The following CMC2 variants were observed in gnomAD, a reference collection of about 807,000 sequenced individuals.
CMC2 encodes COX assembly mitochondrial protein 2 homolog.
Under a neutral mutation model 7.5 loss-of-function variants are expected in CMC2, and 5 were observed. The ratio of observed to expected loss-of-function variants is 0.66; its 90% CI spans 0.35 to 1.40. The LOEUF is 1.40. Among genes scored for constraint, CMC2 ranks in the 40% most tolerant of loss-of-function variants. The pLI is 0.04. For missense variants in CMC2, 115 were observed against 92.3 expected (o/e 1.25, Z -1.01); for synonymous variants, 37 against 31.4 (o/e 1.18, Z -0.60).
chr16:80,997,442 G>A lies in CMC2; in HGVS notation c.-35-13C>T, dbSNP rs777395464. The A allele has an allele frequency of 2.2e-6, 3 of 1,383,786 alleles. No homozygotes were observed. The African/African-American group carries it at 4.3e-5, about 20-fold the overall frequency. The allele number at this position is 1,383,786 out of a possible 1,614,324, so 85.7% of individuals were successfully genotyped here. On this transcript the variant is annotated splice_polypyrimidine_tract_variant and intron_variant, in intron 1 of 3. Coordinates refer to ENST00000219400, the MANE Select transcript of CMC2 (RefSeq NM_020188.5). ...ACAGCAGTGCAACCTGTGGATACAA[G>A]AGTGTCTTGAATATGCATAAACACA...
chr16:80,985,487 T>C (rs1395064965), intron 2 of CMC2, among the ~76,000 whole-genome samples: 1 of 152,216 alleles, frequency 6.6e-6, no homozygotes, highest in Non-Finnish European at 1.5e-5. Context: ...TAACATGTCA[T>C]CTTAACATGT....
chr16:80,985,399 T>A (rs1462937287), intron 2 of CMC2, among the ~76,000 whole-genome samples: 3 of 152,184 alleles, frequency 2.0e-5, no homozygotes, highest in Non-Finnish European at 2.9e-5. Context: ...TTCAGACATT[T>A]AAAAAATGAA....
Position 80,997,432 on chromosome 16 carries a change from G to C in CMC2, c.-35-3C>G. 3 of 1,485,624 alleles carry C rather than the reference G, an allele frequency of 2.0e-6. No homozygotes were observed. Among genetic ancestry groups the C allele is most frequent in the Non-Finnish European group, 2.8e-6 (3 of 1,063,770 alleles). The allele number at this position is 1,485,624 out of a possible 1,614,324, so 92.0% of individuals were successfully genotyped here. On this transcript the variant is annotated splice_polypyrimidine_tract_variant and splice_region_variant and intron_variant, in intron 1 of 3. Coordinates refer to ENST00000219400, the MANE Select transcript of CMC2 (RefSeq NM_020188.5). ...AGGATGGATCACAGCAGTGCAACCTGTGGATACAAGAGTGTCTTGAATATG... is the reference window on the plus strand; with the variant it reads ...AGGATGGATCACAGCAGTGCAACCTCTGGATACAAGAGTGTCTTGAATATG...
chr16:81,004,424 G>A (rs1969091447), intron 1 of CMC2, among the ~76,000 whole-genome samples: 1 of 152,188 alleles, frequency 6.6e-6, no homozygotes, highest in East Asian at 1.9e-4. Flanking sequence ...ACTGCCTGGG[G>A]AGGAAGGCTT....
intron 3 of CMC2, among the ~76,000 whole-genome samples, chr16:80,977,682 C>CT (rs1912581879): frequency 6.6e-6 from 1 of 152,206 alleles, no homozygotes; most frequent in African/African-American, 2.4e-5. Flanking sequence ...GCTAGATAAT[C>CT]TTTAAGAAGT....
intron 2 of CMC2, 57 bp downstream of exon 2, chr16:80,997,257 C>T: frequency 1.1e-6 from 1 of 930,006 alleles, no homozygotes; most frequent in Admixed American, 1.7e-5. Context: ...CATTTTACAT[C>T]AGTGGGTTAT....
rs1186440961 is a variant in CMC2, at chr16:80,973,443, A to G, written c.*2650T>C. 2 of 152,200 alleles carry G rather than the reference A, an allele frequency of 1.3e-5. No homozygotes were observed. Among genetic ancestry groups the G allele is most frequent in the African/African-American group, 4.8e-5 (2 of 41,438 alleles). The allele number at this position is 152,200 out of a possible 1,614,324, so 9.4% of individuals were successfully genotyped here. A position where few individuals can be genotyped will look rare whatever the true frequency, so the allele number is the denominator to read the frequency against. On this transcript the variant is annotated 3_prime_UTR_variant, in exon 4 of 4. Transcript: ENST00000219400. ...TTGTGCCAGATAATCTATCACATAC[A>G]TCTCAACCAATCCTCACAATAACTC... is the stretch of plus-strand genomic sequence containing the variant.
Position 80,976,119 on chromosome 16 carries a change from TAA to T in CMC2, c.212_213del (p.Phe71Ter), listed in dbSNP as rs761870147. 24 of 1,608,612 alleles carry T rather than the reference TAA, an allele frequency of 1.5e-5. No individual in the cohort carries two copies. The East Asian group carries it at 5.4e-4, about 36-fold the overall frequency. On this transcript the variant is annotated frameshift_variant, in exon 4 of 4. Coordinates refer to ENST00000219400, the MANE Select transcript of CMC2 (RefSeq NM_020188.5). LOFTEE classifies it high-confidence loss of function. ...EHGIAMRKKL[F>X]NPPEESEK ...TATTTTTCGGATTCCTCTGGAGGAT[TAA>T]AAAGTTTCTTTCGCATTGCAATGCC... is the stretch of plus-strand genomic sequence containing the variant.
At chr16:80,990,309 T>A (rs1040303551) in intron 2 of CMC2, among the ~76,000 whole-genome samples, 1 of 152,140 alleles carries the variant, frequency 6.6e-6, no homozygotes, top group African/African-American at 2.4e-5. Flanking sequence ...TAGCTGGGAT[T>A]ACAGGGGTCC....
At chr16:80,981,458 C>G (rs972621098) in intron 3 of CMC2, among the ~76,000 whole-genome samples, 4 of 152,124 alleles carry the variant, frequency 2.6e-5, no homozygotes, top group African/African-American at 7.2e-5. Context: ...AATTGAGGCC[C>G]TGAGAGTTTT....
At chr16:80,984,171 G>A (rs904523887) in intron 2 of CMC2, 5 of 152,132 alleles carry the variant, frequency 3.3e-5, no homozygotes, top group African/African-American at 1.2e-4. Context: ...CTCTAAAGCA[G>A]GTTAAGCTGA....
At chr16:80,996,947 C>G in intron 2 of CMC2, 1 of 428,168 alleles carries the variant, frequency 2.3e-6, no homozygotes. Flanking sequence ...TGGTAGCCAT[C>G]AAAGAGCAGA....
chr16:80,966,684 T>A lies in CMC2; in HGVS notation c.*9409A>T, dbSNP rs527858994. The A allele has an allele frequency of 6.6e-6, 1 of 152,364 alleles. No individual in the cohort carries two copies. Among genetic ancestry groups the A allele is most frequent in the South Asian group, 2.1e-4 (1 of 4,830 alleles). 9.4% of individuals were successfully genotyped at this position (152,364 alleles called of 1,614,324 possible). On this transcript the variant is annotated 3_prime_UTR_variant, in exon 4 of 4. Coordinates refer to ENST00000219400, the MANE Select transcript of CMC2 (RefSeq NM_020188.5). ...CTTCTGGAGATGTAAAGTCAAAATA[T>A]TGTATTTGAACAACACTTATAATCA...
chr16:80,992,886 C>T (rs749242925), intron 2 of CMC2, among the ~76,000 whole-genome samples: 3 of 152,030 alleles, frequency 2.0e-5, no homozygotes, highest in Non-Finnish European at 4.4e-5. Flanking sequence ...GAGACAGGAT[C>T]TTGCTATGTT....
chr16:80,988,665 C>CAAAT, intron 2 of CMC2: 3 of 690,902 alleles, frequency 4.3e-6, no homozygotes, highest in Middle Eastern at 4.8e-4. Flanking sequence ...AACATTAACA[C>CAAAT]TAGTATCTAA....
chr16:81,001,876 G>A (rs1968893546), intron 1 of CMC2, among the ~76,000 whole-genome samples: 3 of 151,864 alleles, frequency 2.0e-5, no homozygotes, highest in East Asian at 1.9e-4. Flanking sequence ...CACAGCTGAA[G>A]ACCACAAATA....
chr16:80,996,636 A>G (rs1021504263), intron 2 of CMC2, among the ~76,000 whole-genome samples: 22 of 152,224 alleles, frequency 1.4e-4, no homozygotes, highest in African/African-American at 5.1e-4. Flanking sequence ...ATAATTTGAT[A>G]TATCTACAGT....
chr16:80,986,328 C>T (rs1022518265), intron 2 of CMC2, among the ~76,000 whole-genome samples: 13 of 151,822 alleles, frequency 8.6e-5, no homozygotes, highest in African/African-American at 3.1e-4. Context: ...CCAGCCTGGG[C>T]GACAGAGAGA....
intron 2 of CMC2, among the ~76,000 whole-genome samples, chr16:80,982,087 A>G (rs2151621244): frequency 6.6e-6 from 1 of 152,342 alleles, no homozygotes; most frequent in East Asian, 1.9e-4. Flanking sequence ...ATTTTCTTTC[A>G]ATAAATATAT....
Sources: gnomAD v4.1 joint callset for allele counts (sites outside exome capture counted in the v4.1 genomes callset) on GRCh38, gnomAD v4.1.1 for gene constraint, MANE v1.5 for transcripts, NCBI Gene and HGNC (gene_info 2026-07-23, HGNC 2026-07-21) for gene names.